The following ZNF385B variants were observed in gnomAD, a reference collection of about 807,000 sequenced individuals.
The protein encoded by ZNF385B is zinc finger protein 385B.
ZNF385B carries 23 observed loss-of-function variants against 39.2 expected under a neutral mutation model. That is an observed-to-expected ratio of 0.59 (90% CI 0.42 to 0.83). The LOEUF (loss-of-function observed/expected upper bound fraction) is 0.83, where lower values mean the gene tolerates loss of function less well. Ranked by LOEUF, ZNF385B falls within the 40% of genes least tolerant of loss-of-function variation. The probability of loss-of-function intolerance (pLI) is 0.00; values close to 1 mark genes in which losing one functional copy is unlikely to be tolerated. For synonymous variants in ZNF385B, 205 were observed against 222.6 expected, an observed-to-expected ratio of 0.92 and a Z score of 0.70; for missense variants, 552 against 598.9, an observed-to-expected ratio of 0.92 and a Z score of 0.82.
chr2:179,728,398 C>T (rs1701159261), intron 3 of ZNF385B, among the ~76,000 whole-genome samples: 1 of 152,000 alleles, frequency 6.6e-6, no homozygotes. Context: ...GACTTTAACA[C>T]CCACATAACT....
intron 3 of ZNF385B, among the ~76,000 whole-genome samples, chr2:179,681,779 T>C (rs1229502180): frequency 2.0e-5 from 3 of 152,224 alleles, no homozygotes; most frequent in Non-Finnish European, 2.9e-5. Context: ...AATTCCATTG[T>C]TGATGGCAGT....
chr2:179,810,379 T>C (rs549748339), intron 1 of ZNF385B, among the ~76,000 whole-genome samples: 33 of 152,056 alleles, frequency 2.2e-4, no homozygotes, highest in Middle Eastern at 7.2e-3. Flanking sequence ...AGAAAGTTTG[T>C]TGATTTTACT....
At chr2:179,721,625 C>T (rs1216391206) in intron 3 of ZNF385B, among the ~76,000 whole-genome samples, 2 of 151,536 alleles carry the variant, frequency 1.3e-5, no homozygotes, top group African/African-American at 2.4e-5. Context: ...ATATGTAAAA[C>T]CATACAATTA....
chr2:179,841,065 T>C (rs1708509929), intron 1 of ZNF385B, among the ~76,000 whole-genome samples: 1 of 152,252 alleles, frequency 6.6e-6, no homozygotes, highest in South Asian at 2.1e-4. Flanking sequence ...GGTTTTTCTC[T>C]GCATTTCTGC....
chr2:179,793,053 CTG>C (rs1277978226), intron 1 of ZNF385B, among the ~76,000 whole-genome samples: 1 of 152,170 alleles, frequency 6.6e-6, no homozygotes, highest in Non-Finnish European at 1.5e-5. Flanking sequence ...CTGGCAGAAA[CTG>C]TGCTATTATC....
chr2:179,859,266 T>G (rs1276528959), intron 1 of ZNF385B, among the ~76,000 whole-genome samples: 2 of 152,208 alleles, frequency 1.3e-5, no homozygotes, highest in East Asian at 3.8e-4. Context: ...TTGGTTTCCT[T>G]TGTACCTCAG....
chr2:179,722,058 T>G (rs950806325), intron 3 of ZNF385B, among the ~76,000 whole-genome samples: 2 of 152,100 alleles, frequency 1.3e-5, no homozygotes, highest in Non-Finnish European at 2.9e-5. Context: ...CTCTATGTAT[T>G]AACAATGATC....
chr2:179,794,039 T>A (rs1705503087), intron 1 of ZNF385B, among the ~76,000 whole-genome samples: 1 of 152,224 alleles, frequency 6.6e-6, no homozygotes, highest in Non-Finnish European at 1.5e-5. Flanking sequence ...TGTTTTCTAG[T>A]TTAAACCTAC....
chr2:179,670,500 A>G (rs80045051), intron 3 of ZNF385B, among the ~76,000 whole-genome samples: 1 of 101,702 alleles, frequency 9.8e-6, no homozygotes, highest in Non-Finnish European at 2.1e-5. Context: ...CAAACAAAAA[A>G]AAATAGGAAC....
intron 5 of ZNF385B, among the ~76,000 whole-genome samples, chr2:179,493,430 T>C (rs943635112): frequency 7.3e-5 from 11 of 151,536 alleles, no homozygotes; most frequent in Non-Finnish European, 1.6e-4. Flanking sequence ...TGTGTACATA[T>C]ATGTACGTAT....
intron 3 of ZNF385B, among the ~76,000 whole-genome samples, chr2:179,620,429 A>G (rs1690115140): frequency 6.6e-6 from 1 of 152,182 alleles, no homozygotes; most frequent in Non-Finnish European, 1.5e-5. Context: ...AAAGTGCCTG[A>G]CATACAATTA....
intron 1 of ZNF385B, among the ~76,000 whole-genome samples, chr2:179,850,327 T>C (rs905275081): frequency 7.9e-5 from 12 of 152,186 alleles, no homozygotes; most frequent in Non-Finnish European, 1.6e-4. Flanking sequence ...CTGTTATGTC[T>C]GGTGGCTGAT....
intron 3 of ZNF385B, among the ~76,000 whole-genome samples, chr2:179,715,491 G>C (rs1394577578): frequency 6.6e-6 from 1 of 152,134 alleles, no homozygotes; most frequent in Non-Finnish European, 1.5e-5. Context: ...AAAGCACTGG[G>C]ACCAAAAATA....
intron 1 of ZNF385B, among the ~76,000 whole-genome samples, chr2:179,808,750 A>G (rs1706551835): frequency 6.6e-6 from 1 of 152,192 alleles, no homozygotes; most frequent in Non-Finnish European, 1.5e-5. Context: ...CTTAACTTTG[A>G]TGGGTCCTAC....
chr2:179,722,500 C>T (rs745760557), intron 3 of ZNF385B, among the ~76,000 whole-genome samples: 2 of 152,000 alleles, frequency 1.3e-5, no homozygotes, highest in Admixed American at 6.6e-5. Flanking sequence ...GAAGAAGAAA[C>T]TATTCACTAA....
At chr2:179,690,355 G>T (rs1443281370) in intron 3 of ZNF385B, among the ~76,000 whole-genome samples, 1 of 152,274 alleles carries the variant, frequency 6.6e-6, no homozygotes, top group Admixed American at 6.5e-5. Flanking sequence ...ATAGGGGATT[G>T]CTTCCAGGAC....
chr2:179,502,357 G>T (rs932712666), intron 5 of ZNF385B, among the ~76,000 whole-genome samples: 9 of 152,192 alleles, frequency 5.9e-5, no homozygotes, highest in Non-Finnish European at 1.3e-4. Flanking sequence ...GAATAATATG[G>T]TTTGGCTCTT....
chr2:179,465,002 G>A (rs530612742), intron 6 of ZNF385B, among the ~76,000 whole-genome samples: 1 of 152,178 alleles, frequency 6.6e-6, no homozygotes, highest in Non-Finnish European at 1.5e-5. Flanking sequence ...ACTGGAAGTG[G>A]GTGTGTGAAA....
chr2:179,841,698 G>GTC (rs1269462140), intron 1 of ZNF385B, among the ~76,000 whole-genome samples: 4 of 152,126 alleles, frequency 2.6e-5, no homozygotes, highest in African/African-American at 4.8e-5. Context: ...ATTACCAAAT[G>GTC]TCTCCTGGGG....
Sources: allele counts gnomAD v4.1 joint callset (sites outside exome capture counted in the v4.1 genomes callset), GRCh38; gene constraint gnomAD v4.1.1; transcripts MANE v1.5; gene names NCBI Gene and HGNC (gene_info 2026-07-23, HGNC 2026-07-21).